Variants in MSX2 observed in about 807,000 individuals in gnomAD.
The protein encoded by MSX2 is msh homeobox 2.
In MSX2, 10 loss-of-function variants were observed where a neutral mutation model predicts 18.4. That is an observed-to-expected ratio of 0.54 (90% CI 0.34 to 0.92). MSX2 has a LOEUF of 0.92. Among genes scored for constraint, MSX2 ranks in the 40% least tolerant of loss-of-function variants. The pLI, the probability that MSX2 is intolerant of heterozygous loss-of-function variation, is 0.02. For missense variants in MSX2, 339 were observed against 364.0 expected (o/e 0.93, Z 0.56); for synonymous variants, 170 against 165.6 (o/e 1.03, Z -0.20).
At chr5:174,727,975 AAATT>A (rs1190896160) in intron 1 of MSX2, among the ~76,000 whole-genome samples, 4 of 152,214 alleles carry the variant, frequency 2.6e-5, no homozygotes, top group Non-Finnish European at 5.9e-5. Context: ...CAAATGCAGA[AAATT>A]AATTGTTAAG....
Position 174,724,659 on chromosome 5 carries a change from C to T in MSX2, c.-1C>T, listed in dbSNP as rs1474023041. ...CGGGAGCTACGTAGGGCAGAGAAGTCATGGCTTCTCCGTCCAAAGGCAATG... is the reference window on the plus strand; with the variant it reads ...CGGGAGCTACGTAGGGCAGAGAAGTTATGGCTTCTCCGTCCAAAGGCAATG... On this transcript the variant is annotated 5_prime_UTR_variant, in exon 1 of 2. Coordinates refer to ENST00000239243, the MANE Select transcript of MSX2 (RefSeq NM_002449.5). The T allele has an allele frequency of 2.5e-6, 4 of 1,587,992 alleles. No individual in the cohort carries two copies. The Admixed American group carries it at 5.3e-5, about 21-fold the overall frequency.
Position 174,729,732 on chromosome 5 carries a change from T to C in MSX2, c.*149T>C. 2.6e-6 allele frequency: 2 copies of C among 771,528 alleles called. No homozygotes were observed. Among genetic ancestry groups the C allele is most frequent in the East Asian group, 2.6e-5 (1 of 38,252 alleles). 47.8% of individuals were successfully genotyped at this position (771,528 alleles called of 1,614,324 possible). The stretch of plus-strand genomic sequence containing the variant: ...GCTAGGCTGACAGGGCCACACGACA[T>C]AGCTGAAATTTGTTCTGTAGGCGGA... On this transcript the variant is annotated 3_prime_UTR_variant, in exon 2 of 2. Transcript: ENST00000239243.
At position 174,730,761 on chromosome 5, in the gene MSX2, C is replaced by T. The variant is rs182072112; in HGVS notation, c.*1178C>T. The T allele has an allele frequency of 2.0e-4, 31 of 152,712 alleles. No homozygotes were observed. The highest frequency in any genetic ancestry group is 6.5e-4 in the African/African-American group (27 of 41,564). 9.5% of individuals were successfully genotyped at this position (152,712 alleles called of 1,614,324 possible). A position where few individuals can be genotyped will look rare whatever the true frequency, so the allele number is the denominator to read the frequency against. On this transcript the variant is annotated 3_prime_UTR_variant, in exon 2 of 2. Coordinates refer to ENST00000239243, the MANE Select transcript of MSX2 (RefSeq NM_002449.5). Reference sequence around the variant, plus strand: ...GTATTTCACCTTCCTGTCCATCTGTCCCCTCCCTCCGGTATACCTTTATCC... The same window carrying T: ...GTATTTCACCTTCCTGTCCATCTGTTCCCTCCCTCCGGTATACCTTTATCC...
Position 174,724,651 on chromosome 5 carries a change from A to G in MSX2, c.-9A>G. ...TCGCGCGTCGGGAGCTACGTAGGGC[A>G]GAGAAGTCATGGCTTCTCCGTCCAA... On this transcript the variant is annotated 5_prime_UTR_variant, in exon 1 of 2. Coordinates refer to ENST00000239243, the MANE Select transcript of MSX2 (RefSeq NM_002449.5). 6.3e-7 allele frequency: 1 copy of G among 1,584,608 alleles called. No homozygotes were observed. The highest frequency in any genetic ancestry group is 8.6e-7 in the Non-Finnish European group (1 of 1,166,506).
intron 1 of MSX2, among the ~76,000 whole-genome samples, chr5:174,728,200 C>A (rs367979066): frequency 1.8e-4 from 27 of 152,090 alleles, no homozygotes; most frequent in African/African-American, 6.3e-4. Flanking sequence ...CACATTTGCC[C>A]GAAGCCATAG....
intron 1 of MSX2, among the ~76,000 whole-genome samples, chr5:174,726,512 G>A (rs1760801086): frequency 6.6e-6 from 1 of 151,276 alleles, no homozygotes; most frequent in South Asian, 2.1e-4. Flanking sequence ...TCCTCTGTAG[G>A]GCAGCAGCCG....
At position 174,730,497 on chromosome 5, in the gene MSX2, A is replaced by C. The variant is rs1760905862; in HGVS notation, c.*914A>C. The C allele has an allele frequency of 6.6e-6, 1 of 152,590 alleles. No homozygotes were observed. The highest frequency in any genetic ancestry group is 6.5e-5 in the Admixed American group (1 of 15,268). 9.5% of individuals were successfully genotyped at this position (152,590 alleles called of 1,614,324 possible). On this transcript the variant is annotated 3_prime_UTR_variant, in exon 2 of 2. Coordinates refer to ENST00000239243, the MANE Select transcript of MSX2 (RefSeq NM_002449.5). ...GCAAAGGTGATTTGGGTGGGGGTTTAGTAATTTTCTGCTTAAAAAATGAGT... is the reference window on the plus strand; with the variant it reads ...GCAAAGGTGATTTGGGTGGGGGTTTCGTAATTTTCTGCTTAAAAAATGAGT...
intron 1 of MSX2, among the ~76,000 whole-genome samples, 192 bp from the exon 2 acceptor site, chr5:174,728,967 A>G (rs1038318562): frequency 6.2e-5 from 9 of 145,510 alleles, no homozygotes; most frequent in Middle Eastern, 3.9e-3. Context: ...ATACATAGAT[A>G]TGTGTGTGTG....
In MSX2 at chr5:174,724,967, C is replaced by T; in HGVS notation, c.308C>T (p.Ser103Leu). Residue 103 changes from serine to leucine, a missense_variant, in exon 1 of 2, where the codon TCG becomes TTG. By Grantham distance (145) the Ser-to-Leu change is moderately radical. Around this residue, in one of 2 missense-constraint regions of MSX2, gnomAD observed 211 missense variants for 185.4 expected, o/e 1.14. Transcript: ENST00000239243. ...GPLVKPFETA[S>L]VKSENSEDGA... Reference sequence around the variant, plus strand: ...CTGGTGAAGCCCTTCGAGACCGCCTCGGTCAAGTCGGAAAATTCAGAAGAT... The same window carrying T: ...CTGGTGAAGCCCTTCGAGACCGCCTTGGTCAAGTCGGAAAATTCAGAAGAT... The T allele has an allele frequency of 6.2e-7, 1 of 1,605,466 alleles. No homozygotes were observed. The highest frequency in any genetic ancestry group is 1.1e-5 in the South Asian group (1 of 89,070).
intron 1 of MSX2, 32 bp downstream of exon 1, chr5:174,725,070 A>T (rs767891178): frequency 6.2e-6 from 10 of 1,606,162 alleles, no homozygotes; most frequent in Non-Finnish European, 8.5e-6. Context: ...AGTAGGAGGT[A>T]GCGCGGGGTA....
In MSX2 at chr5:174,729,141, CCT is replaced by C. The variant is rs1282197778; in HGVS notation, c.380-11_380-10del. 2.5e-6 allele frequency: 4 copies of C among 1,612,054 alleles called. No individual in the cohort carries two copies. The highest frequency in any genetic ancestry group is 1.3e-5 in the African/African-American group (1 of 74,840). On this transcript the variant is annotated splice_polypyrimidine_tract_variant and intron_variant, in intron 1 of 1. Transcript: ENST00000239243. ...TGTAACTTTCTTTTGCTAATCCGCT[CCT>C]CTCTCTGTTCTCTAGGACATATGAG...
In MSX2 at chr5:174,724,905, G is replaced by T; in HGVS notation, c.246G>T (p.Ser82=). 6.4e-7 allele frequency: 1 copy of T among 1,572,456 alleles called. No individual in the cohort carries two copies. The highest frequency in any genetic ancestry group is 8.6e-7 in the Non-Finnish European group (1 of 1,160,452). ...CCACCCTGCGGCCACTGCTGCTGTC[G>T]GGGCACGGCGCTCGGGAAGCGCACA... The part of the protein sequence containing the change: ...AGATLRPLLL[S]GHGAREAHSP... Residue 82 remains serine (S), a synonymous_variant, in exon 1 of 2, where the codon TCG becomes TCT. Transcript: ENST00000239243.
chr5:174,726,799 T>C (rs543885433), intron 1 of MSX2, among the ~76,000 whole-genome samples: 119 of 152,308 alleles, frequency 7.8e-4, no homozygotes, highest in Admixed American at 2.5e-3. Context: ...CCTACGCCTA[T>C]GCCCAGCCAA....
intron 1 of MSX2, among the ~76,000 whole-genome samples, chr5:174,727,030 A>G (rs1465031420): frequency 6.6e-6 from 1 of 151,880 alleles, no homozygotes; most frequent in Non-Finnish European, 1.5e-5. Flanking sequence ...CACATTCTGC[A>G]CATGTATCCC....
At chr5:174,726,253 AC>A (rs1760794491) in intron 1 of MSX2, among the ~76,000 whole-genome samples, 1 of 151,972 alleles carries the variant, frequency 6.6e-6, no homozygotes, top group Non-Finnish European at 1.5e-5. Context: ...CTGTGGAGGG[AC>A]TTTCTCCAAA....
chr5:174,727,730 T>G (rs1760835189), intron 1 of MSX2, among the ~76,000 whole-genome samples: 1 of 152,236 alleles, frequency 6.6e-6, no homozygotes, highest in South Asian at 2.1e-4. Context: ...ACAAAGCCTC[T>G]TATCTCTTTT....
Position 174,729,420 on chromosome 5 carries a change from C to G in MSX2, c.641C>G (p.Pro214Arg). 1 of 1,614,116 alleles carries G rather than the reference C, an allele frequency of 6.2e-7. No homozygotes were observed. Among genetic ancestry groups the G allele is most frequent in the Non-Finnish European group, 8.5e-7 (1 of 1,179,970 alleles). Reference protein sequence around the residue: ...ELEKLKMAAKPMLPSSFSLPF... With the variant: ...ELEKLKMAAKRMLPSSFSLPF... ...GAAAAGCTGAAAATGGCTGCAAAAC[C>G]TATGCTGCCCTCCAGCTTCAGTCTC... The change falls in exon 2 of 2, where the codon CCT (proline) becomes CGT (arginine). Residue 214 changes from proline (P) to arginine (R), a missense_variant. Coordinates refer to ENST00000239243, the MANE Select transcript of MSX2 (RefSeq NM_002449.5).
At chr5:174,729,034 C>T (rs1019979530) in intron 1 of MSX2, 125 bp from the exon 2 acceptor site, 2 of 812,120 alleles carry the variant, frequency 2.5e-6, no homozygotes, top group Non-Finnish European at 4.0e-6. Flanking sequence ...AAGCTAAGTG[C>T]TTTCAGTTGA....
Position 174,730,026 on chromosome 5 carries a change from G to A in MSX2, c.*443G>A, listed in dbSNP as rs1229803731. ...GAGGGAGACAAATTATTTGCAAAAT[G>A]TGCTAAAGTCAATGATTTTTACGGG... On this transcript the variant is annotated 3_prime_UTR_variant, in exon 2 of 2. Coordinates refer to ENST00000239243, the MANE Select transcript of MSX2 (RefSeq NM_002449.5). 1 of 152,030 alleles carries A rather than the reference G, an allele frequency of 6.6e-6. No individual in the cohort carries two copies. Among genetic ancestry groups the A allele is most frequent in the Non-Finnish European group, 1.5e-5 (1 of 68,056 alleles). 9.4% of individuals were successfully genotyped at this position (152,030 alleles called of 1,614,324 possible). A position where few individuals can be genotyped will look rare whatever the true frequency, so the allele number is the denominator to read the frequency against.
Sources: allele counts gnomAD v4.1 joint callset (sites outside exome capture counted in the v4.1 genomes callset), GRCh38; gene constraint gnomAD v4.1.1; regional missense constraint gnomAD v4.1.1; transcripts MANE v1.5; gene names NCBI Gene and HGNC (gene_info 2026-07-23, HGNC 2026-07-21).